MPP7: variants seen among roughly 807,000 people sequenced by gnomAD.
MPP7 encodes MAGUK p55 scaffold protein 7.
Under a neutral mutation model 76.5 loss-of-function variants are expected in MPP7, and 60 were observed. The ratio of observed to expected loss-of-function variants is 0.78; its 90% CI spans 0.64 to 0.97. MPP7 has a LOEUF of 0.97. MPP7 is among the 50% of genes least tolerant of loss of function. The probability of loss-of-function intolerance (pLI) is 0.00; values close to 1 mark genes in which losing one functional copy is unlikely to be tolerated. For synonymous variants in MPP7, 237 were observed against 244.5 expected (o/e 0.97, Z 0.29); for missense variants, 641 against 694.0 (o/e 0.92, Z 0.86).
intron 1 of MPP7, among the ~76,000 whole-genome samples, chr10:28,270,555 T>A (rs1015671249): frequency 1.3e-4 from 1 of 7,558 alleles, no homozygotes. Flanking sequence ...GGAGGGGAGC[T>A]GGGGAGGGGG....
At chr10:28,272,747 G>C (rs1840365154) in intron 1 of MPP7, among the ~76,000 whole-genome samples, 1 of 151,976 alleles carries the variant, frequency 6.6e-6, no homozygotes, top group Admixed American at 6.6e-5. Flanking sequence ...AAAAGAAATG[G>C]AACAGGAGGG....
chr10:28,273,677 T>A (rs886676991), intron 1 of MPP7, among the ~76,000 whole-genome samples: 3 of 152,214 alleles, frequency 2.0e-5, no homozygotes, highest in Non-Finnish European at 2.9e-5. Flanking sequence ...AAGAGGACTA[T>A]CACAAAATGC....
chr10:28,166,746 C>T (rs1455107918), intron 3 of MPP7, among the ~76,000 whole-genome samples: 1 of 152,054 alleles, frequency 6.6e-6, no homozygotes, highest in East Asian at 1.9e-4. Flanking sequence ...TCTTACAACT[C>T]TTGTGTGAAT....
At chr10:28,181,294 T>C (rs1292596983) in intron 3 of MPP7, among the ~76,000 whole-genome samples, 3 of 152,224 alleles carry the variant, frequency 2.0e-5, no homozygotes, top group Non-Finnish European at 4.4e-5. Context: ...CTATTATTGT[T>C]AAACCGTGAT....
intron 1 of MPP7, among the ~76,000 whole-genome samples, chr10:28,275,406 A>ATT (rs1840461240): frequency 7.5e-6 from 1 of 133,390 alleles, no homozygotes; most frequent in Non-Finnish European, 1.6e-5. Flanking sequence ...CCTTCCTAAT[A>ATT]TTTCTTTTTT....
chr10:28,145,790 T>C (rs937592398), intron 5 of MPP7, among the ~76,000 whole-genome samples: 1 of 123,586 alleles, frequency 8.1e-6, no homozygotes, highest in Admixed American at 8.6e-5. Flanking sequence ...AAATGAAAAA[T>C]AACCAAATTA....
At chr10:28,121,284 A>C (rs1320980284) in intron 8 of MPP7, among the ~76,000 whole-genome samples, 2 of 150,844 alleles carry the variant, frequency 1.3e-5, no homozygotes, top group Non-Finnish European at 3.0e-5. Flanking sequence ...TTTTTTTTTA[A>C]AGAATAATGT....
At chr10:28,068,251 G>C (rs1852072238) in intron 13 of MPP7, among the ~76,000 whole-genome samples, 1 of 152,006 alleles carries the variant, frequency 6.6e-6, no homozygotes, top group African/African-American at 2.4e-5. Flanking sequence ...ATCTCTGTTG[G>C]TAGAAAGCAG....
intron 12 of MPP7, among the ~76,000 whole-genome samples, chr10:28,088,586 C>T (rs4399242): frequency 6.6e-6 from 1 of 151,916 alleles, no homozygotes. Flanking sequence ...TCAATTAAAC[C>T]TCTTTTCTTC....
chr10:28,121,045 C>T (rs11006884), intron 8 of MPP7, among the ~76,000 whole-genome samples: 14,788 of 152,100 alleles, frequency 0.097, 1,383 homozygotes, highest in East Asian at 0.46. Flanking sequence ...TGCAGTGGCT[C>T]GTGTCTGTAA....
chr10:28,179,631 C>T (rs1325872495), intron 3 of MPP7, among the ~76,000 whole-genome samples: 4 of 152,246 alleles, frequency 2.6e-5, no homozygotes, highest in Non-Finnish European at 1.5e-5. Flanking sequence ...TTATCTTTAA[C>T]CCATCAGTGA....
At chr10:28,068,393 C>T (rs1299687936) in intron 13 of MPP7, among the ~76,000 whole-genome samples, 2 of 151,938 alleles carry the variant, frequency 1.3e-5, no homozygotes, top group African/African-American at 4.8e-5. Flanking sequence ...GAGAACATCG[C>T]TAAGGGCAAT....
chr10:28,239,241 T>A (rs1335433477), intron 1 of MPP7, among the ~76,000 whole-genome samples: 2 of 151,850 alleles, frequency 1.3e-5, no homozygotes, highest in Non-Finnish European at 2.9e-5. Flanking sequence ...GCCTCCTATG[T>A]TCAAGCAATT....
chr10:28,142,312 A>G (rs1400377076), intron 5 of MPP7, among the ~76,000 whole-genome samples: 1 of 152,134 alleles, frequency 6.6e-6, no homozygotes, highest in African/African-American at 2.4e-5. Context: ...AAAACACAAA[A>G]TTTTTACTAA....
intron 1 of MPP7, among the ~76,000 whole-genome samples, chr10:28,263,068 T>TA (rs1267399115): frequency 1.3e-5 from 2 of 151,904 alleles, no homozygotes; most frequent in Non-Finnish European, 2.9e-5. Context: ...AAAAATAAAA[T>TA]AAAATAAAAA....
chr10:28,147,814 T>C (rs1197311253), intron 4 of MPP7, among the ~76,000 whole-genome samples: 1 of 152,218 alleles, frequency 6.6e-6, no homozygotes, highest in African/African-American at 2.4e-5. Flanking sequence ...TCTGATTTAT[T>C]GCAAGGAGGG....
At chr10:28,179,806 G>T (rs551592631) in intron 3 of MPP7, among the ~76,000 whole-genome samples, 1 of 152,242 alleles carries the variant, frequency 6.6e-6, no homozygotes, top group Non-Finnish European at 1.5e-5. Context: ...AAAGATACAT[G>T]CCAACTTTGT....
chr10:28,245,028 T>C (rs1004047907), intron 1 of MPP7, among the ~76,000 whole-genome samples: 4 of 152,214 alleles, frequency 2.6e-5, no homozygotes, highest in Non-Finnish European at 4.4e-5. Context: ...ACTTCTCCTC[T>C]GGGGTACTTC....
At chr10:28,307,106 A>G (rs1156386412), upstream of MPP7, among the ~76,000 whole-genome samples, 3 of 152,210 alleles carry the variant, frequency 2.0e-5, no homozygotes, top group Non-Finnish European at 2.9e-5. Flanking sequence ...CACACTGGGC[A>G]GATTACCAGA....
Sources: allele counts gnomAD v4.1 joint callset (sites outside exome capture counted in the v4.1 genomes callset), GRCh38; gene constraint gnomAD v4.1.1; transcripts MANE v1.5; gene names NCBI Gene and HGNC (gene_info 2026-07-23, HGNC 2026-07-21).